The following GOSR2 variants were observed in gnomAD, a reference collection of about 807,000 sequenced individuals.
GOSR2 encodes the protein golgi SNAP receptor complex member 2.
GOSR2 carries 20 observed loss-of-function variants against 27.9 expected under a neutral mutation model. That is an observed-to-expected ratio of 0.72 (90% CI 0.50 to 1.04). The LOEUF is 1.04. GOSR2 is among the 50% of genes least tolerant of loss of function. The pLI, the probability that GOSR2 is intolerant of heterozygous loss-of-function variation, is 0.00. For missense variants in GOSR2, 261 were observed against 270.5 expected (o/e 0.97, Z 0.25); for synonymous variants, 91 against 98.8 (o/e 0.92, Z 0.47).
At position 46,939,204 on chromosome 17, in the gene GOSR2, C is replaced by G. The variant is rs887467904; in HGVS notation, c.*444C>G. ...GGAAAGGAAAGGAAAGAGGCCTTTTCTCACAGCCATTATATTAAATAGTAG... is the reference window on the plus strand; with the variant it reads ...GGAAAGGAAAGGAAAGAGGCCTTTTGTCACAGCCATTATATTAAATAGTAG... On this transcript the variant is annotated 3_prime_UTR_variant, in exon 6 of 6. Coordinates refer to ENST00000640051, the MANE Select transcript of GOSR2 (RefSeq NM_004287.5). 1.2e-5 allele frequency: 13 copies of G among 1,079,638 alleles called. No homozygotes were observed. The highest frequency in any genetic ancestry group is 4.5e-5 in the Admixed American group (1 of 22,170). The allele number at this position is 1,079,638 out of a possible 1,614,324, so 66.9% of individuals were successfully genotyped here.
At chr17:46,960,845 A>G (rs2091007264) in intron 6 of GOSR2, among the ~76,000 whole-genome samples, 1 of 152,246 alleles carries the variant, frequency 6.6e-6, no homozygotes, top group Admixed American at 6.5e-5. Context: ...GTCTGCATTA[A>G]GGGAAGAAGA....
chr17:46,963,389 A>T (rs1303107158), intron 6 of GOSR2, among the ~76,000 whole-genome samples: 2 of 152,092 alleles, frequency 1.3e-5, no homozygotes, highest in African/African-American at 2.4e-5. Context: ...TACTAAAAAT[A>T]AAAAAATTAG....
downstream of GOSR2, among the ~76,000 whole-genome samples, chr17:46,971,887 C>T (rs143466843): frequency 1.4e-3 from 208 of 152,366 alleles, no homozygotes; most frequent in African/African-American, 4.8e-3. Flanking sequence ...GCACCTCTCC[C>T]TCCCCGGCAA....
intron 4 of GOSR2, chr17:46,933,516 A>G (rs1207586931): frequency 6.6e-6 from 1 of 152,218 alleles, no homozygotes; most frequent in Non-Finnish European, 1.5e-5. Context: ...GCACATGATG[A>G]AATTAAAAGA....
At position 46,940,568 on chromosome 17, in the gene GOSR2, C is replaced by T. The variant is rs746138669; in HGVS notation, c.*1808C>T. The T allele has an allele frequency of 6.2e-7, 1 of 1,614,182 alleles. No individual in the cohort carries two copies. The highest frequency in any genetic ancestry group is 1.1e-5 in the South Asian group (1 of 91,084). ...CCTGTCCCCCAGGCACCCAAGGATC[C>T]TGCCAGACAGCACACTTTGGAGGAA... is the stretch of plus-strand genomic sequence containing the variant. On this transcript the variant is annotated 3_prime_UTR_variant, in exon 6 of 6. Transcript: ENST00000640051.
chr17:46,962,551 A>G (rs2091121935), intron 6 of GOSR2, among the ~76,000 whole-genome samples: 1 of 152,222 alleles, frequency 6.6e-6, no homozygotes, highest in African/African-American at 2.4e-5. Context: ...TTTGGGAAGA[A>G]AGCTGCCATA....
intron 6 of GOSR2, among the ~76,000 whole-genome samples, chr17:46,961,128 A>C (rs997488867): frequency 6.6e-6 from 1 of 152,198 alleles, no homozygotes; most frequent in Non-Finnish European, 1.5e-5. Flanking sequence ...GATTTTGCCG[A>C]GGATAAAGGT....
chr17:46,924,194 T>A (rs993872989), intron 1 of GOSR2: 30 of 232,354 alleles, frequency 1.3e-4, no homozygotes, highest in African/African-American at 2.2e-4. Flanking sequence ...TTCTAGATAC[T>A]TAATATAAGT....
chr17:46,947,299 T>C (rs557935427), intron 6 of GOSR2, among the ~76,000 whole-genome samples: 2 of 152,268 alleles, frequency 1.3e-5, no homozygotes, highest in East Asian at 3.9e-4. Flanking sequence ...CGTGGTGGGC[T>C]GTGGGTTGTT....
chr17:46,931,633 T>TA (rs1165921489), intron 3 of GOSR2: 1 of 281,056 alleles, frequency 3.6e-6, no homozygotes, highest in African/African-American at 2.3e-5. Flanking sequence ...AGCATGAAAT[T>TA]AAAATGAAAC....
chr17:46,940,463 A>G lies in GOSR2; in HGVS notation c.*1703A>G, dbSNP rs144662292. 6.1e-4 allele frequency: 976 copies of G among 1,610,662 alleles called. 9 individuals are homozygous for G. In the East Asian group the frequency reaches 0.017, roughly 29 times the overall value. On this transcript the variant is annotated 3_prime_UTR_variant, in exon 6 of 6. Coordinates refer to ENST00000640051, the MANE Select transcript of GOSR2 (RefSeq NM_004287.5). ...CATTGACATTTCCATTACACACAGC[A>G]CTGCTGCGGTGCCAGGGACCTAGCG... is the stretch of plus-strand genomic sequence containing the variant.
chr17:46,933,330 T>A (rs2087696355), intron 4 of GOSR2: 2 of 152,232 alleles, frequency 1.3e-5, no homozygotes, highest in Admixed American at 1.3e-4. Flanking sequence ...TAATGGCCCA[T>A]CAGCCATACT....
At chr17:46,935,408 T>C in intron 5 of GOSR2, 2 of 1,429,926 alleles carry the variant, frequency 1.4e-6, no homozygotes, top group Non-Finnish European at 1.8e-6. Flanking sequence ...AGGATCCAGG[T>C]CTTTTCCCAT....
chr17:46,939,970 A>T lies in GOSR2; in HGVS notation c.*1210A>T. The T allele has an allele frequency of 9.9e-7, 1 of 1,009,678 alleles. No individual in the cohort carries two copies. Among genetic ancestry groups the T allele is most frequent in the South Asian group, 4.1e-5 (1 of 24,196 alleles). 62.5% of individuals were successfully genotyped at this position (1,009,678 alleles called of 1,614,324 possible). A position where few individuals can be genotyped will look rare whatever the true frequency, so the allele number is the denominator to read the frequency against. ...GGGCACAGCAGCTTCATGGCAAGAC[A>T]TAAAATGACACTCAAAATCCTTCAG... On this transcript the variant is annotated 3_prime_UTR_variant, in exon 6 of 6. Transcript: ENST00000640051.
intron 1 of GOSR2, among the ~76,000 whole-genome samples, chr17:46,927,019 C>T (rs2086600621): frequency 6.6e-6 from 1 of 152,186 alleles, no homozygotes; most frequent in Non-Finnish European, 1.5e-5. Context: ...ATCCTACCAG[C>T]TGGGTATGAG....
In GOSR2 at chr17:46,940,671, G is replaced by C; in HGVS notation, c.*1911G>C. On this transcript the variant is annotated 3_prime_UTR_variant, in exon 6 of 6. Transcript: ENST00000640051. ...TCCCCGCACCCATCATGCGTGGACT[G>C]ATAGGACATCTTTTCGTGGTGTGCA... 1.1e-5 allele frequency: 18 copies of C among 1,612,890 alleles called. No homozygotes were observed. The highest frequency in any genetic ancestry group is 1.5e-5 in the Non-Finnish European group (18 of 1,179,892).
chr17:46,935,033 C>CT lies in GOSR2; in HGVS notation c.342dup (p.Asp115Ter). The stretch of plus-strand genomic sequence containing the variant: ...GTGCCTGTGTTTCTTTCACAGGACT[C>CT]TGACACCACCATACCAATGGACGAA... On this transcript the variant is annotated frameshift_variant, in exon 5 of 6. Transcript: ENST00000640051. LOFTEE classifies it high-confidence loss of function. 1 of 1,613,038 alleles carries CT rather than the reference C, an allele frequency of 6.2e-7. No homozygotes were observed. The highest frequency in any genetic ancestry group is 1.1e-5 in the South Asian group (1 of 91,058).
At chr17:46,925,578 A>G (rs1055885647) in intron 1 of GOSR2, among the ~76,000 whole-genome samples, 3 of 152,226 alleles carry the variant, frequency 2.0e-5, no homozygotes, top group African/African-American at 7.2e-5. Flanking sequence ...GGCTCCTTTC[A>G]GTTCCATGAT....
At chr17:46,973,671 GT>G (rs1345990751) in intron 6 of GOSR2, among the ~76,000 whole-genome samples, 4 of 152,168 alleles carry the variant, frequency 2.6e-5, no homozygotes, top group Non-Finnish European at 5.9e-5. Flanking sequence ...CCGAGCTGGG[GT>G]TTGCTGTCCT....
Sources: gnomAD v4.1 joint callset for allele counts (sites outside exome capture counted in the v4.1 genomes callset) on GRCh38, gnomAD v4.1.1 for gene constraint, MANE v1.5 for transcripts, NCBI Gene and HGNC (gene_info 2026-07-23, HGNC 2026-07-21) for gene names.